The following CLMN variants were observed in gnomAD, a reference collection of about 807,000 sequenced individuals.
CLMN encodes the protein calmin.
A neutral mutation model predicts 92.7 loss-of-function variants in CLMN; 57 were observed. The ratio of observed to expected loss-of-function variants is 0.61; its 90% CI spans 0.50 to 0.77. CLMN has a LOEUF of 0.77. CLMN is among the 30% of genes least tolerant of loss of function. The pLI is 0.00. For missense variants in CLMN, 1,158 were observed against 1,237.5 expected (o/e 0.94, Z 0.96); for synonymous variants, 466 against 470.6 (o/e 0.99, Z 0.13).
rs1449792591 is a variant in CLMN, at chr14:95,223,633, TAA to T, written c.240+125_240+126del. ...TGACTATATGGCTTGTAGGCACTAA[TAA>T]AAAAAGTCACCGCTTCAGAGTTTCT... On this transcript the variant is annotated intron_variant, in intron 3 of 12. Coordinates refer to ENST00000298912, the MANE Select transcript of CLMN (RefSeq NM_024734.4). 4.5e-6 allele frequency: 3 copies of T among 665,946 alleles called. No homozygotes were observed. In the African/African-American group the frequency reaches 5.5e-5, roughly 12 times the overall value. 41.3% of individuals were successfully genotyped at this position (665,946 alleles called of 1,614,324 possible).
intron 1 of CLMN, among the ~76,000 whole-genome samples, chr14:95,284,759 T>C (rs1377404750): frequency 6.6e-6 from 1 of 152,192 alleles, no homozygotes; most frequent in Non-Finnish European, 1.5e-5. Flanking sequence ...AGCAACTAGC[T>C]TGCTTTTGAT....
intron 1 of CLMN, among the ~76,000 whole-genome samples, chr14:95,231,984 T>C (rs1306188710): frequency 6.6e-6 from 1 of 152,246 alleles, no homozygotes; most frequent in Admixed American, 6.5e-5. Context: ...ATGTTGTAAC[T>C]TGTCCAAGGT....
intron 1 of CLMN, among the ~76,000 whole-genome samples, chr14:95,257,062 C>T (rs530648103): frequency 6.6e-6 from 1 of 152,196 alleles, no homozygotes; most frequent in Non-Finnish European, 1.5e-5. Flanking sequence ...GCCTTAAATG[C>T]CACCCAGGGG....
chr14:95,199,849 G>T (rs998518488), intron 9 of CLMN, among the ~76,000 whole-genome samples: 1 of 151,988 alleles, frequency 6.6e-6, no homozygotes, highest in Non-Finnish European at 1.5e-5. Flanking sequence ...GAGCCTGGAT[G>T]TCTGGGGGTG....
chr14:95,277,650 T>G (rs141255517), intron 1 of CLMN, among the ~76,000 whole-genome samples: 2,465 of 152,250 alleles, frequency 0.016, 74 homozygotes, highest in African/African-American at 0.055. Context: ...TTTTTGGAGA[T>G]AGAGTCTCCC....
At chr14:95,297,695 CCTT>C (rs1389869786) in intron 1 of CLMN, among the ~76,000 whole-genome samples, 2 of 152,086 alleles carry the variant, frequency 1.3e-5, no homozygotes, top group African/African-American at 4.8e-5. Context: ...GCAGTTCTTC[CCTT>C]CTTCCTCCTG....
chr14:95,270,423 C>T (rs1379117853), intron 1 of CLMN, among the ~76,000 whole-genome samples: 1 of 152,172 alleles, frequency 6.6e-6, no homozygotes, highest in Non-Finnish European at 1.5e-5. Flanking sequence ...TTCGATTACC[C>T]ATTAGCTGTC....
Position 95,294,255 on chromosome 14 carries a change from G to T in CLMN, c.82+25456C>A, listed in dbSNP as rs1161654193. Among the ~76,000 whole-genome samples the T allele has an allele frequency of 6.6e-6, 1 of 152,366 alleles. No individual in the cohort carries two copies. Among genetic ancestry groups the T allele is most frequent in the East Asian group, 1.9e-4 (1 of 5,192 alleles). On this transcript the variant is annotated intron_variant, in intron 1 of 12. Transcript: ENST00000298912. The surrounding 1 kb of genome is among the most constrained non-coding windows in gnomAD (Gnocchi z 4.2). Reference sequence around the variant, plus strand: ...ACTACAAAGATGAGGAAAAGGCATGGCCCCTGCTTGCACGGGGAAGACAAA... The same window carrying T: ...ACTACAAAGATGAGGAAAAGGCATGTCCCCTGCTTGCACGGGGAAGACAAA...
In CLMN at chr14:95,202,531, C is replaced by G. The variant is rs73333246; in HGVS notation, c.2511+307G>C. Among the ~76,000 whole-genome samples the G allele has an allele frequency of 9.9e-3, 1,506 of 152,238 alleles. 26 individuals are homozygous for G. The highest frequency in any genetic ancestry group is 0.035 in the African/African-American group (1,443 of 41,532). On this transcript the variant is annotated intron_variant, in intron 9 of 12. Coordinates refer to ENST00000298912, the MANE Select transcript of CLMN (RefSeq NM_024734.4). ...TGACTGCTTTTGAAATCATTTCTGC[C>G]CCTCCTCTGCTGGACCCTCAAAGGT...
chr14:95,192,661 C>T (rs922300250), intron 12 of CLMN: 1 of 152,306 alleles, frequency 6.6e-6, no homozygotes, highest in African/African-American at 2.4e-5. Context: ...TCCACAGAAA[C>T]AAGTTAAACT....
In CLMN at chr14:95,194,855, GC is replaced by G. The variant is rs1308352364; in HGVS notation, c.2709-260del. On this transcript the variant is annotated intron_variant, in intron 10 of 12. Transcript: ENST00000298912. The surrounding 1 kb of genome is among the most constrained non-coding windows in gnomAD (Gnocchi z 4.0). ...TCAAAGTCAGGATTTTAAATAGAAA[GC>G]AAGGCACATATTCTTAAAAATCAAA... 3.9e-5 allele frequency among the ~76,000 whole-genome samples: 6 copies of G among 152,222 alleles called. No individual in the cohort carries two copies.
chr14:95,239,078 C>G lies in CLMN; in HGVS notation c.83-8945G>C, dbSNP rs566305195. ...ATTTATGACAGGTGACGCCAGCCAG[C>G]CATTAAAAACACAAGCTTAGAAAGG... On this transcript the variant is annotated intron_variant, in intron 1 of 12. Coordinates refer to ENST00000298912, the MANE Select transcript of CLMN (RefSeq NM_024734.4). Among the ~76,000 whole-genome samples the G allele has an allele frequency of 9.6e-5, 14 of 146,492 alleles. No homozygotes were observed. The South Asian group carries it at 2.7e-3, about 28-fold the overall frequency.
At chr14:95,237,872 A>G (rs115592208) in intron 1 of CLMN, among the ~76,000 whole-genome samples, 2,906 of 152,228 alleles carry the variant, frequency 0.019, 83 homozygotes, top group African/African-American at 0.054. Context: ...TCCTTGCCCA[A>G]GGATTCCTTT....
chr14:95,277,237 A>G (rs1899967015), intron 1 of CLMN, among the ~76,000 whole-genome samples: 1 of 152,176 alleles, frequency 6.6e-6, no homozygotes, highest in Non-Finnish European at 1.5e-5. Context: ...TTTGTGTGTC[A>G]CTCTGTCATA....
chr14:95,230,725 C>A (rs1368553613), intron 1 of CLMN, among the ~76,000 whole-genome samples: 2 of 152,244 alleles, frequency 1.3e-5, no homozygotes, highest in African/African-American at 2.4e-5. Flanking sequence ...ACTCTCCAAG[C>A]TGCTCTAAGG....
chr14:95,305,622 G>A (rs567908889), intron 1 of CLMN, among the ~76,000 whole-genome samples: 1 of 152,290 alleles, frequency 6.6e-6, no homozygotes, highest in African/African-American at 2.4e-5. Context: ...AGAAAACCAA[G>A]GAACAGAAAT....
intron 5 of CLMN, among the ~76,000 whole-genome samples, chr14:95,214,891 C>T (rs555212377): frequency 5.0e-4 from 76 of 152,046 alleles, no homozygotes; most frequent in Non-Finnish European, 1.0e-3. Flanking sequence ...GGAGGGTAAT[C>T]GAACAGTGAA....
rs894504146 is a variant in CLMN, at chr14:95,215,515, T to C, written c.417+126A>G. On this transcript the variant is annotated intron_variant, in intron 5 of 12. Coordinates refer to ENST00000298912, the MANE Select transcript of CLMN (RefSeq NM_024734.4). Reference sequence around the variant, plus strand: ...ATTCTTCTAGTGCTTTTTCAGTGAGTAGAAAAGATAAAATCTGCCATAAAC... The same window carrying C: ...ATTCTTCTAGTGCTTTTTCAGTGAGCAGAAAAGATAAAATCTGCCATAAAC... 5.4e-6 allele frequency: 4 copies of C among 747,592 alleles called. No homozygotes were observed. The African/African-American group carries it at 7.1e-5, about 13-fold the overall frequency. The allele number at this position is 747,592 out of a possible 1,614,324, so 46.3% of individuals were successfully genotyped here.
At chr14:95,244,988 T>TAC (rs140106985) in intron 1 of CLMN, among the ~76,000 whole-genome samples, 33,702 of 135,476 alleles carry the variant, frequency 0.25, 4,860 homozygotes, top group East Asian at 0.48. Context: ...TATATGTGTA[T>TAC]ACACACACAC....
Sources: gnomAD v4.1 joint callset for allele counts (sites outside exome capture counted in the v4.1 genomes callset) on GRCh38, gnomAD v4.1.1 for gene constraint, Gnocchi (gnomAD v3.1) non-coding constraint, MANE v1.5 for transcripts, NCBI Gene and HGNC (gene_info 2026-07-23, HGNC 2026-07-21) for gene names.